Variants in SOX5 observed in about 807,000 individuals in gnomAD.
The protein encoded by SOX5 is SRY-box transcription factor 5.
A neutral mutation model predicts 92.0 loss-of-function variants in SOX5; 9 were observed. The observed-to-expected ratio is 0.10, with a 90% CI of 0.06 to 0.17. The LOEUF (loss-of-function observed/expected upper bound fraction) is 0.17, where lower values mean the gene tolerates loss of function less well. Among genes scored for constraint, SOX5 ranks in the 10% least tolerant of loss-of-function variants. The probability of loss-of-function intolerance (pLI) is 1.00; values close to 1 mark genes in which losing one functional copy is unlikely to be tolerated. For missense variants in SOX5, 642 were observed against 944.5 expected (o/e 0.68, Z 4.20); for synonymous variants, 344 against 336.3 (o/e 1.02, Z -0.25).
rs11047415 is a variant in SOX5, at chr12:24,397,393, C to T, written c.-250-28754G>A. ...AGATCCTGAGAAAGTAGAAATTCTT[C>T]TTTACAATTTACAGATAGTATTTAA... On this transcript the variant is annotated intron_variant, in intron 1 of 4. Coordinates refer to the SOX5 transcript ENST00000446891. Among the ~76,000 whole-genome samples the T allele has an allele frequency of 4.2e-3, 636 of 152,256 alleles. 6 individuals are homozygous for T. The highest frequency in any genetic ancestry group is 0.015 in the African/African-American group (618 of 41,532).
At chr12:23,893,316 G>A (rs2097147083) in intron 2 of SOX5, among the ~76,000 whole-genome samples, 1 of 151,936 alleles carries the variant, frequency 6.6e-6, no homozygotes, top group South Asian at 2.1e-4. Context: ...CTTGGTGGCG[G>A]GGGCCTGTAA....
chr12:24,398,597 G>A (rs1161350379), intron 1 of SOX5, among the ~76,000 whole-genome samples: 3 of 152,052 alleles, frequency 2.0e-5, no homozygotes, highest in African/African-American at 7.2e-5. Flanking sequence ...TACTGCTACA[G>A]GTTTGTGCCC....
At chr12:23,679,132 C>T (rs1182164252) in intron 6 of SOX5, among the ~76,000 whole-genome samples, 1 of 152,020 alleles carries the variant, frequency 6.6e-6, no homozygotes, top group Non-Finnish European at 1.5e-5. Context: ...TATGCAGAGC[C>T]TCCAAGAAAG....
intron 1 of SOX5, among the ~76,000 whole-genome samples, chr12:24,514,413 C>G (rs1949591486): frequency 6.6e-6 from 1 of 152,134 alleles, no homozygotes; most frequent in Non-Finnish European, 1.5e-5. Context: ...AACACCGACC[C>G]ACTAATCAAT....
intron 4 of SOX5, among the ~76,000 whole-genome samples, chr12:24,073,595 T>A (rs1179004038): frequency 1.3e-5 from 2 of 152,188 alleles, no homozygotes; most frequent in Non-Finnish European, 2.9e-5. Context: ...TCTTTACTGA[T>A]TTACAGCCAT....
intron 1 of SOX5, among the ~76,000 whole-genome samples, chr12:24,469,868 T>C (rs1944617373): frequency 6.6e-6 from 1 of 152,264 alleles, no homozygotes; most frequent in Non-Finnish European, 1.5e-5. Context: ...ATTTGTCTCA[T>C]TACTACTGAA....
At chr12:23,879,956 G>A (rs2096969262) in intron 2 of SOX5, among the ~76,000 whole-genome samples, 1 of 152,156 alleles carries the variant, frequency 6.6e-6, no homozygotes, top group South Asian at 2.1e-4. Context: ...AAGTCTCCAA[G>A]GCAAGCTAGG....
intron 1 of SOX5, among the ~76,000 whole-genome samples, chr12:24,561,794 G>T (rs1954378120): frequency 6.6e-6 from 1 of 151,482 alleles, no homozygotes; most frequent in African/African-American, 2.4e-5. Context: ...TCGGGAGGTG[G>T]GGGTGACTAA....
intron 6 of SOX5, among the ~76,000 whole-genome samples, chr12:23,731,118 A>G (rs2093375983): frequency 6.6e-6 from 1 of 152,198 alleles, no homozygotes; most frequent in South Asian, 2.1e-4. Context: ...GTCCTTAGAC[A>G]TCAACTTCAG....
intron 3 of SOX5, among the ~76,000 whole-genome samples, chr12:24,218,460 A>T (rs1310254378): frequency 6.6e-6 from 1 of 152,172 alleles, no homozygotes; most frequent in Admixed American, 6.5e-5. Context: ...ATCAACGGCT[A>T]CCTAGAGTTA....
chr12:23,916,997 T>C (rs901027937), intron 1 of SOX5, among the ~76,000 whole-genome samples: 1 of 152,180 alleles, frequency 6.6e-6, no homozygotes, highest in South Asian at 2.1e-4. Context: ...AAGGTAACCA[T>C]GGCATGGCAT....
At chr12:24,526,437 G>T (rs2071314275) in intron 1 of SOX5, among the ~76,000 whole-genome samples, 1 of 152,140 alleles carries the variant, frequency 6.6e-6, no homozygotes, top group South Asian at 2.1e-4. Flanking sequence ...TAGGGACTCG[G>T]TTTACACATA....
At chr12:23,928,441 G>A (rs937701655) in intron 1 of SOX5, among the ~76,000 whole-genome samples, 3 of 151,982 alleles carry the variant, frequency 2.0e-5, no homozygotes, top group Admixed American at 6.6e-5. Flanking sequence ...TTCAGAGGAT[G>A]TATGAAACCT....
intron 3 of SOX5, among the ~76,000 whole-genome samples, chr12:24,240,991 T>C (rs1039910642): frequency 1.3e-5 from 2 of 152,156 alleles, no homozygotes; most frequent in African/African-American, 4.8e-5. Context: ...TTCATTTAAG[T>C]GTGATGGTTT....
At chr12:24,099,715 T>A (rs1026662895) in intron 4 of SOX5, among the ~76,000 whole-genome samples, 1 of 152,136 alleles carries the variant, frequency 6.6e-6, no homozygotes, top group African/African-American at 2.4e-5. Flanking sequence ...CAAGCCACTA[T>A]CCTATTGGTT....
intron 4 of SOX5, among the ~76,000 whole-genome samples, chr12:24,123,408 A>G (rs1445478032): frequency 1.3e-5 from 2 of 152,190 alleles, no homozygotes. Flanking sequence ...ATACACACTA[A>G]CTAGCAACAT....
intron 2 of SOX5, among the ~76,000 whole-genome samples, chr12:24,326,837 TAC>T (rs1251623764): frequency 7.7e-6 from 1 of 129,552 alleles, no homozygotes; most frequent in Non-Finnish European, 1.7e-5. Flanking sequence ...CATTCATACA[TAC>T]ACACACACGT....
intron 7 of SOX5, among the ~76,000 whole-genome samples, chr12:23,642,219 A>G (rs2080169496): frequency 6.6e-6 from 1 of 152,144 alleles, no homozygotes; most frequent in Non-Finnish European, 1.5e-5. Flanking sequence ...TTTATTCTAA[A>G]GAGAGTCTCC....
intron 2 of SOX5, among the ~76,000 whole-genome samples, chr12:23,892,429 A>G (rs1338119750): frequency 6.6e-6 from 1 of 152,230 alleles, no homozygotes; most frequent in Non-Finnish European, 1.5e-5. Context: ...CACTAAAGCC[A>G]TGGTTTGATG....
Sources: allele counts gnomAD v4.1 joint callset (sites outside exome capture counted in the v4.1 genomes callset), GRCh38; gene constraint gnomAD v4.1.1; transcripts MANE v1.5; gene names NCBI Gene and HGNC (gene_info 2026-07-23, HGNC 2026-07-21).